ACTA2: variants seen among roughly 807,000 people sequenced by gnomAD.
ACTA2 encodes the protein actin, aortic smooth muscle.
Under a neutral mutation model 39.5 loss-of-function variants are expected in ACTA2, and 12 were observed. The ratio of observed to expected loss-of-function variants is 0.30; its 90% confidence interval spans 0.19 to 0.49. ACTA2 has a LOEUF of 0.49. ACTA2 is among the 20% of genes least tolerant of loss of function. The pLI, the probability that ACTA2 is intolerant of heterozygous loss-of-function variation, is 0.99. For missense variants in ACTA2, 236 were observed against 498.8 expected, an observed-to-expected ratio of 0.47 and a Z score of 5.02; for synonymous variants, 158 against 180.6, an observed-to-expected ratio of 0.88 and a Z score of 1.00.
intron 1 of ACTA2, among the ~76,000 whole-genome samples, chr10:88,982,974 T>C (rs996070418): frequency 1.3e-5 from 2 of 152,198 alleles, no homozygotes; most frequent in African/African-American, 4.8e-5. Flanking sequence ...ACTTCATGTG[T>C]CCTTTCCAGA....
chr10:88,974,913 C>G (rs1174767545), intron 1 of ACTA2: 1 of 152,128 alleles, frequency 6.6e-6, no homozygotes, highest in Non-Finnish European at 1.5e-5. Context: ...TAATACTGTA[C>G]AGATCAGCCA....
At chr10:88,973,729 T>C (rs1210363218) in intron 1 of ACTA2, 1 of 154,582 alleles carries the variant, frequency 6.5e-6, no homozygotes, top group Non-Finnish European at 1.4e-5. Context: ...AAAAATCATC[T>C]AGCAAACTGT....
Position 88,941,307 on chromosome 10 carries a change from G to A in ACTA2, c.538C>T (p.Leu180=), listed in dbSNP as rs375204799. The A allele has an allele frequency of 3.7e-6, 6 of 1,609,398 alleles. No individual in the cohort carries two copies. In the African/African-American group the frequency reaches 4.1e-5, roughly 11 times the overall value. ...GYALPHAIMR[L]DLAGRDLTDY... is the part of the protein sequence containing the mutation. Reference sequence around the variant, plus strand: ...GTGAGATCTCGGCCAGCCAGATCCAGACGCATGATGGCATGGGGCAAGGCA... The same window carrying A: ...GTGAGATCTCGGCCAGCCAGATCCAAACGCATGATGGCATGGGGCAAGGCA... The change falls in exon 6 of 9, where the codon CTG becomes TTG. Residue 180 remains leucine, a synonymous_variant. Coordinates refer to ENST00000224784, the MANE Select transcript of ACTA2 (RefSeq NM_001613.4).
At chr10:88,966,796 T>C (rs893328187) in intron 1 of ACTA2, among the ~76,000 whole-genome samples, 1 of 152,208 alleles carries the variant, frequency 6.6e-6, no homozygotes, top group Non-Finnish European at 1.5e-5. Context: ...TTGAAAACTA[T>C]TAAGTGCCAA....
chr10:88,948,521 A>G, intron 2 of ACTA2: 1 of 407,652 alleles, frequency 2.5e-6, no homozygotes, highest in Admixed American at 3.6e-5. Context: ...TCTGATGGTG[A>G]TGAAATGATT....
chr10:88,957,575 A>G (rs563533602), upstream of ACTA2, among the ~76,000 whole-genome samples: 1 of 152,188 alleles, frequency 6.6e-6, no homozygotes, highest in South Asian at 2.1e-4. Context: ...ATATGGAACA[A>G]TGGACTTTCC....
chr10:88,939,388 G>T, intron 7 of ACTA2, 119 bp downstream of exon 7: 1 of 1,340,074 alleles, frequency 7.5e-7, no homozygotes, highest in East Asian at 2.3e-5. Context: ...CCCTTTTTCT[G>T]GTTTAGAAAT....
chr10:88,945,832 A>G (rs1373430861), intron 3 of ACTA2, among the ~76,000 whole-genome samples: 2 of 152,216 alleles, frequency 1.3e-5, no homozygotes, highest in African/African-American at 4.8e-5. Flanking sequence ...AAACCTTTCA[A>G]GAATGGGCTG....
rs187218422 is a variant in ACTA2, at chr10:88,941,166, G to A, written c.616+63C>T. ...CATCATCTCCTTGGATAGTGAGGAT[G>A]GTCCTGGAAGTTACTGAGCAACACA... On this transcript the variant is annotated intron_variant, in intron 6 of 8. Transcript: ENST00000224784. 3 of 1,599,822 alleles carry A rather than the reference G, an allele frequency of 1.9e-6. No individual in the cohort carries two copies. In the African/African-American group the frequency reaches 4.0e-5, roughly 21 times the overall value.
intron 1 of ACTA2, among the ~76,000 whole-genome samples, chr10:88,966,365 T>C (rs1359989422): frequency 6.6e-6 from 1 of 152,182 alleles, no homozygotes; most frequent in Non-Finnish European, 1.5e-5. Flanking sequence ...TGCATTCTAT[T>C]TTAGGCCCTG....
upstream of ACTA2, among the ~76,000 whole-genome samples, chr10:88,955,074 CTT>C (rs1024933983): frequency 1.4e-5 from 2 of 147,536 alleles, no homozygotes; most frequent in African/African-American, 2.5e-5. Flanking sequence ...TGTCGGATAA[CTT>C]GGTTGCAGTT....
intron 1 of ACTA2, among the ~76,000 whole-genome samples, chr10:88,967,987 A>G (rs971024198): frequency 5.3e-5 from 8 of 152,332 alleles, no homozygotes; most frequent in African/African-American, 1.9e-4. Flanking sequence ...CAACTATAGT[A>G]ACCAGATAAA....
rs558072404 is a variant in ACTA2 at position 88,990,918 on chromosome 10, C to A, written c.-24+21G>T. ...CCCTCCTACCTCTGGTGAGCCCTCTCCTGCCCGGGTGGAGGCTTACCCCGT... is the reference window on the plus strand; with the variant it reads ...CCCTCCTACCTCTGGTGAGCCCTCTACTGCCCGGGTGGAGGCTTACCCCGT... On this transcript the variant is annotated intron_variant, in intron 1 of 4. Coordinates refer to the ACTA2 transcript ENST00000415557. This position sits in a 1 kb window ranked among gnomAD's most constrained non-coding sequence, Gnocchi z 4.9. 1.2e-6 allele frequency: 2 copies of A among 1,614,218 alleles called. No individual in the cohort carries two copies. Among genetic ancestry groups the A allele is most frequent in the Non-Finnish European group, 1.7e-6 (2 of 1,180,030 alleles).
upstream of ACTA2, among the ~76,000 whole-genome samples, chr10:88,956,804 G>T (rs1589406028): frequency 6.6e-6 from 1 of 152,326 alleles, no homozygotes; most frequent in South Asian, 2.1e-4. Context: ...AGACTGGATA[G>T]TTTATTTAAA....
upstream of ACTA2, among the ~76,000 whole-genome samples, chr10:88,955,944 T>C (rs1846131159): frequency 6.6e-6 from 1 of 152,136 alleles, no homozygotes; most frequent in Non-Finnish European, 1.5e-5. Flanking sequence ...ATTCATGCCT[T>C]ATCACAAGGT....
intron 3 of ACTA2, 109 bp downstream of exon 3, chr10:88,947,149 G>T: frequency 6.8e-7 from 1 of 1,470,980 alleles, no homozygotes; most frequent in Non-Finnish European, 9.4e-7. Context: ...TAAAAGTACA[G>T]TTGAGCAATG....
At chr10:88,952,175 T>C (rs1210472538) in intron 1 of ACTA2, among the ~76,000 whole-genome samples, 3 of 152,210 alleles carry the variant, frequency 2.0e-5, no homozygotes, top group Non-Finnish European at 4.4e-5. Flanking sequence ...GAGATATACA[T>C]TTCCAACAAA....
At chr10:88,984,541 T>A (rs1846817322) in intron 1 of ACTA2, among the ~76,000 whole-genome samples, 1 of 152,264 alleles carries the variant, frequency 6.6e-6, no homozygotes, top group Admixed American at 6.5e-5. Flanking sequence ...ATTTGCTATA[T>A]GAAAACATAA....
intron 7 of ACTA2, among the ~76,000 whole-genome samples, chr10:88,939,221 C>T (rs1845802142): frequency 6.6e-6 from 1 of 152,220 alleles, no homozygotes; most frequent in Non-Finnish European, 1.5e-5. Flanking sequence ...ACCCTTGCTA[C>T]CCTTTCCGCT....
Sources: allele counts gnomAD v4.1 joint callset (sites outside exome capture counted in the v4.1 genomes callset), GRCh38; gene constraint gnomAD v4.1.1; non-coding constraint Gnocchi (gnomAD v3.1); transcripts MANE v1.5; gene names NCBI Gene and HGNC (gene_info 2026-07-23, HGNC 2026-07-21).